CCT6B: variants seen among roughly 807,000 people sequenced by gnomAD.
CCT6B encodes the protein probable T-complex protein 1 subunit zeta-2.
A neutral mutation model predicts 61.5 loss-of-function variants in CCT6B; 49 were observed. The ratio of observed to expected loss-of-function variants is 0.80; its 90% confidence interval spans 0.63 to 1.01. The LOEUF is 1.01. Ranked by LOEUF, CCT6B falls within the 50% of genes least tolerant of loss-of-function variation. The pLI is 0.00. For synonymous variants in CCT6B, 228 were observed against 214.5 expected (o/e 1.06, Z -0.55); for missense variants, 666 against 634.7 (o/e 1.05, Z -0.53).
intron 5 of CCT6B, chr17:34,944,346 A>T (rs1423085872): frequency 6.6e-6 from 1 of 152,114 alleles, no homozygotes; most frequent in Non-Finnish European, 1.5e-5. Flanking sequence ...ACTGGATTCC[A>T]TTTCCCTCTC....
At chr17:34,928,183 T>C (rs1239798784) in intron 13 of CCT6B, 66 bp from the exon 14 acceptor site, 3 of 967,652 alleles carry the variant, frequency 3.1e-6, no homozygotes, top group Non-Finnish European at 4.9e-6. Flanking sequence ...TCCCCAGCAA[T>C]CTTTACCTAT....
At chr17:34,930,725 G>A (rs144322894) in intron 12 of CCT6B, among the ~76,000 whole-genome samples, 108 of 152,256 alleles carry the variant, frequency 7.1e-4, no homozygotes, top group Non-Finnish European at 2.2e-4. Context: ...CCCAGGGGCA[G>A]ATATTTTTGT....
intron 7 of CCT6B, among the ~76,000 whole-genome samples, chr17:34,942,198 T>TGTATAGCAATG (rs2090171520): frequency 1.3e-5 from 2 of 152,060 alleles, no homozygotes; most frequent in Non-Finnish European, 2.9e-5. Context: ...TTTTTTTCAC[T>TGTATAGCAATG]GTAAGTTTGC....
chr17:34,931,095 A>C, intron 11 of CCT6B, 44 bp from the exon 12 acceptor site: 1 of 633,586 alleles, frequency 1.6e-6, no homozygotes, highest in African/African-American at 1.9e-5. Flanking sequence ...ATATATGCAT[A>C]ATACCTTCAC....
intron 7 of CCT6B, among the ~76,000 whole-genome samples, chr17:34,942,054 A>G (rs1012437298): frequency 6.6e-6 from 1 of 152,242 alleles, no homozygotes; most frequent in South Asian, 2.1e-4. Context: ...AGAAAAAAAA[A>G]AAACAGTGCT....
At chr17:34,942,159 A>T (rs2090170872) in intron 7 of CCT6B, among the ~76,000 whole-genome samples, 1 of 151,872 alleles carries the variant, frequency 6.6e-6, no homozygotes, top group Non-Finnish European at 1.5e-5. Flanking sequence ...CCACTTCATC[A>T]AGACACTCTT....
At chr17:34,939,006 C>T (rs910869967) in intron 10 of CCT6B, among the ~76,000 whole-genome samples, 177 bp downstream of exon 10, 1 of 152,078 alleles carries the variant, frequency 6.6e-6, no homozygotes, top group South Asian at 2.1e-4. Context: ...ATCACTTGAA[C>T]CTGGGAGGCA....
chr17:34,937,406 A>G (rs1205416145), intron 10 of CCT6B, among the ~76,000 whole-genome samples: 1 of 152,216 alleles, frequency 6.6e-6, no homozygotes, highest in East Asian at 1.9e-4. Context: ...AGAGCACAGA[A>G]ATAGAACCAC....
At chr17:34,935,875 T>C (rs2090087661) in intron 10 of CCT6B, among the ~76,000 whole-genome samples, 2 of 145,150 alleles carry the variant, frequency 1.4e-5, no homozygotes, top group Non-Finnish European at 3.0e-5. Flanking sequence ...AAAAAAAAAA[T>C]CATATGATCA....
At chr17:34,935,654 G>C (rs1227361125) in intron 10 of CCT6B, among the ~76,000 whole-genome samples, 1 of 151,910 alleles carries the variant, frequency 6.6e-6, no homozygotes, top group Non-Finnish European at 1.5e-5. Context: ...TCAGGAGTTC[G>C]AGACCAGCCA....
At chr17:34,935,804 C>G (rs749014441) in intron 10 of CCT6B, among the ~76,000 whole-genome samples, 38 of 151,892 alleles carry the variant, frequency 2.5e-4, no homozygotes, top group Admixed American at 7.9e-4. Flanking sequence ...TTGCAGTGAG[C>G]CAGGATTGCG....
At chr17:34,953,475 G>A (rs1436960377) in intron 4 of CCT6B, among the ~76,000 whole-genome samples, 1 of 151,552 alleles carries the variant, frequency 6.6e-6, no homozygotes, top group African/African-American at 2.4e-5. Flanking sequence ...GATTACAGGT[G>A]CCTGCTAACA....
chr17:34,934,116 G>A lies in CCT6B; in HGVS notation c.1214-1616C>T, dbSNP rs569008447. On this transcript the variant is annotated intron_variant, in intron 10 of 13. Transcript: ENST00000314144. ...TGCACTCCAGCCTAGGTGACAGATC[G>A]AGACTCTGTTTCAAAAAGAAAAAAA... is the stretch of plus-strand genomic sequence containing the variant. Among the ~76,000 whole-genome samples the A allele has an allele frequency of 6.3e-4, 88 of 140,326 alleles. No individual in the cohort carries two copies. In the Middle Eastern group the frequency reaches 0.011, roughly 18 times the overall value. 92.1% of individuals were successfully genotyped at this position (140,326 alleles called of 152,430 possible).
At chr17:34,939,093 A>G (rs1446298840) in intron 10 of CCT6B, 90 bp downstream of exon 10, 2 of 1,093,352 alleles carry the variant, frequency 1.8e-6, no homozygotes, top group Non-Finnish European at 2.6e-6. Context: ...AAAAATATAC[A>G]TATATACATA....
In CCT6B at chr17:34,957,143, A is replaced by ATT. The variant is rs57459236; in HGVS notation, c.336+1415_336+1416dup. ...TTCTTTTTCTTTCCTTTTTCTTTCC[A>ATT]TTTTTTTTTTTTTTTTTTGAGATGG... On this transcript the variant is annotated intron_variant, in intron 3 of 13. Coordinates refer to ENST00000314144, the MANE Select transcript of CCT6B (RefSeq NM_006584.4). Among the ~76,000 whole-genome samples the ATT allele has an allele frequency of 7.5e-4, 77 of 102,300 alleles. 2 individuals are homozygous for ATT. The highest frequency in any genetic ancestry group is 2.8e-3 in the African/African-American group (75 of 26,838). 67.1% of individuals were successfully genotyped at this position (102,300 alleles called of 152,430 possible). A position where few individuals can be genotyped will look rare whatever the true frequency, so the allele number is the denominator to read the frequency against.
chr17:34,952,356 C>T (rs1020790125), intron 4 of CCT6B, among the ~76,000 whole-genome samples: 3 of 152,172 alleles, frequency 2.0e-5, no homozygotes, highest in Non-Finnish European at 2.9e-5. Flanking sequence ...GTAACAGGGC[C>T]GGGACTAGAA....
rs114865032 is a variant in CCT6B at position 34,928,049 on chromosome 17, C to A, written c.1592G>T (p.Ter531LeuextTer1). The A allele has an allele frequency of 4.1e-3, 6,608 of 1,606,672 alleles. 12 individuals are homozygous for A. The highest frequency in any genetic ancestry group is 5.4e-3 in the Non-Finnish European group (6,388 of 1,175,278). Reference sequence around the variant, plus strand: ...AAGGGTTGATTTTGAATTCAATCATCATTTGAGAGAAGACATCCCAGCTCG... The same window carrying A: ...AAGGGTTGATTTTGAATTCAATCATAATTTGAGAGAAGACATCCCAGCTCG... ...IMRAGMSSLK[*>L] Residue 531 changes from the stop codon to leucine, a stop_lost, in exon 14 of 14, where the codon TGA (stop) becomes TTA (leucine). Coordinates refer to ENST00000314144, the MANE Select transcript of CCT6B (RefSeq NM_006584.4).
chr17:34,935,910 T>C (rs1269792146), intron 10 of CCT6B, among the ~76,000 whole-genome samples: 1 of 151,624 alleles, frequency 6.6e-6, no homozygotes, highest in Non-Finnish European at 1.5e-5. Flanking sequence ...CAAGAAGCAT[T>C]TGGCATTTAT....
At chr17:34,948,597 C>G (rs2090252214) in intron 5 of CCT6B, among the ~76,000 whole-genome samples, 1 of 151,896 alleles carries the variant, frequency 6.6e-6, no homozygotes, top group Admixed American at 6.6e-5. Flanking sequence ...GCCCGCAATA[C>G]CAGCTACTTG....
Sources: gnomAD v4.1 joint callset for allele counts (sites outside exome capture counted in the v4.1 genomes callset) on GRCh38, gnomAD v4.1.1 for gene constraint, MANE v1.5 for transcripts, NCBI Gene and HGNC (gene_info 2026-07-23, HGNC 2026-07-21) for gene names.